The following ARL8B variants were observed in gnomAD, a reference collection of about 807,000 sequenced individuals.
The protein encoded by ARL8B is ADP-ribosylation factor-like protein 8B.
Under a neutral mutation model 30.6 loss-of-function variants are expected in ARL8B, and 9 were observed. The observed-to-expected ratio is 0.29, with a 90% confidence interval of 0.18 to 0.51. The LOEUF (loss-of-function observed/expected upper bound fraction) is 0.51, where lower values mean the gene tolerates loss of function less well. Among genes scored for constraint, ARL8B ranks in the 20% least tolerant of loss-of-function variants. The probability of loss-of-function intolerance (pLI) is 0.97; values close to 1 mark genes in which losing one functional copy is unlikely to be tolerated. For missense variants in ARL8B, 130 were observed against 227.2 expected (o/e 0.57, Z 2.75); for synonymous variants, 74 against 76.0 (o/e 0.97, Z 0.14).
intron 6 of ARL8B, among the ~76,000 whole-genome samples, chr3:5,178,381 G>GC (rs1269720702): frequency 6.9e-6 from 1 of 144,268 alleles, no homozygotes; most frequent in African/African-American, 2.6e-5. Context: ...TGCCTTCCTG[G>GC]CAATTTGCAT....
At chr3:5,149,050 G>A in intron 1 of ARL8B, among the ~76,000 whole-genome samples, 1 of 152,224 alleles carries the variant, frequency 6.6e-6, no homozygotes, top group East Asian at 1.9e-4. Flanking sequence ...CTGGCTGTTT[G>A]CGTCGCAGGA....
chr3:5,159,457 C>G (rs911854537), intron 1 of ARL8B, among the ~76,000 whole-genome samples: 3 of 151,566 alleles, frequency 2.0e-5, no homozygotes, highest in Non-Finnish European at 4.4e-5. Flanking sequence ...ACAAAATTAG[C>G]TGGGTGTGGT....
chr3:5,166,642 T>G (rs1317126383), intron 1 of ARL8B, among the ~76,000 whole-genome samples: 1 of 152,190 alleles, frequency 6.6e-6, no homozygotes, highest in Non-Finnish European at 1.5e-5. Flanking sequence ...CCAGCTGTCT[T>G]AAGATATCTT....
chr3:5,178,710 C>G lies in ARL8B; in HGVS notation c.558C>G (p.Ser186Arg), dbSNP rs1243152032. The change falls in exon 7 of 7, where the codon AGC becomes AGG. Residue 186 changes from serine (S) to arginine (R), a missense_variant. Transcript: ENST00000256496. ...TTCAGCATTCAAAATCTAGAAGAAG[C>G]TGAAGCATCTCCTGAAGTCTTCCAG... is the stretch of plus-strand genomic sequence containing the variant. ...WLIQHSKSRR[S>R] is the part of the protein sequence containing the mutation. 5.0e-6 allele frequency: 8 copies of G among 1,611,836 alleles called. No homozygotes were observed. The highest frequency in any genetic ancestry group is 6.8e-6 in the Non-Finnish European group (8 of 1,178,918).
chr3:5,157,208 G>A (rs2054541393), intron 1 of ARL8B, among the ~76,000 whole-genome samples: 1 of 147,994 alleles, frequency 6.8e-6, no homozygotes, highest in Non-Finnish European at 1.5e-5. Flanking sequence ...CAGGCACTTG[G>A]GTGGTGGTCT....
At chr3:5,171,316 A>G (rs926271771) in intron 2 of ARL8B, among the ~76,000 whole-genome samples, 3 of 152,178 alleles carry the variant, frequency 2.0e-5, no homozygotes, top group South Asian at 2.1e-4. Context: ...TAAAATGATT[A>G]TGGATGTGGC....
intron 2 of ARL8B, 43 bp downstream of exon 2, chr3:5,170,626 G>T: frequency 6.9e-7 from 1 of 1,444,444 alleles, no homozygotes; most frequent in South Asian, 1.2e-5. Flanking sequence ...TGTTAGCACA[G>T]ACCCCTAGAA....
rs141280815 is a variant in ARL8B, at chr3:5,144,619, C to T, written c.123+22031C>T. On this transcript the variant is annotated intron_variant, in intron 1 of 6. Coordinates refer to ENST00000256496, the MANE Select transcript of ARL8B (RefSeq NM_018184.3). ...GTGACCCCTATCCTAATTCTTCCTT[C>T]TCCTTTCTGGTAAACTGGGGCCTTA... 1.2e-3 allele frequency among the ~76,000 whole-genome samples: 190 copies of T among 152,336 alleles called. 1 individual carries two copies. In the Middle Eastern group the frequency reaches 0.017, roughly 14 times the overall value.
At chr3:5,149,026 C>T (rs888952173) in intron 1 of ARL8B, among the ~76,000 whole-genome samples, 11 of 152,334 alleles carry the variant, frequency 7.2e-5, no homozygotes, top group South Asian at 4.1e-4. Context: ...CCCTGAGCAT[C>T]GGTTTGTCCG....
intron 2 of ARL8B, 73 bp downstream of exon 2, chr3:5,170,656 G>A (rs532491404): frequency 3.4e-6 from 4 of 1,160,220 alleles, no homozygotes; most frequent in South Asian, 2.9e-5. Flanking sequence ...TTAAATTTCT[G>A]TGTTTTTACT....
intron 2 of ARL8B, among the ~76,000 whole-genome samples, chr3:5,171,391 C>A (rs1171306750): frequency 1.3e-5 from 2 of 152,060 alleles, no homozygotes; most frequent in South Asian, 4.2e-4. Context: ...ACTCTTGTTG[C>A]CCAGGCTTGG....
At chr3:5,173,311 A>G (rs2054693309) in intron 4 of ARL8B, among the ~76,000 whole-genome samples, 1 of 152,222 alleles carries the variant, frequency 6.6e-6, no homozygotes, top group East Asian at 1.9e-4. Flanking sequence ...TCTAGAATAC[A>G]TTTAGGAATT....
chr3:5,134,962 C>T (rs2054312358), intron 1 of ARL8B, among the ~76,000 whole-genome samples: 1 of 152,104 alleles, frequency 6.6e-6, no homozygotes. Flanking sequence ...ATTCTTGTGC[C>T]TTCACCTCCC....
intron 1 of ARL8B, among the ~76,000 whole-genome samples, chr3:5,123,964 C>T (rs891954007): frequency 1.3e-5 from 2 of 152,148 alleles, no homozygotes; most frequent in African/African-American, 4.8e-5. Context: ...ACCTCCACCT[C>T]CCAGGTTCAA....
chr3:5,166,493 A>G (rs946274528), intron 1 of ARL8B, among the ~76,000 whole-genome samples: 2 of 151,146 alleles, frequency 1.3e-5, no homozygotes, highest in African/African-American at 4.9e-5. Flanking sequence ...AAGCCCCACC[A>G]TGCCTGGCTA....
chr3:5,144,261 C>G (rs2054400570), intron 1 of ARL8B, among the ~76,000 whole-genome samples: 1 of 152,214 alleles, frequency 6.6e-6, no homozygotes, highest in African/African-American at 2.4e-5. Flanking sequence ...AAGGTGATCT[C>G]TGATCACCAG....
intron 1 of ARL8B, among the ~76,000 whole-genome samples, chr3:5,131,068 A>G (rs2054278908): frequency 6.6e-6 from 1 of 151,930 alleles, no homozygotes; most frequent in Non-Finnish European, 1.5e-5. Context: ...ACCCGCCACC[A>G]CGCCCAGCTA....
At chr3:5,169,244 A>T (rs2106569914) in intron 1 of ARL8B, among the ~76,000 whole-genome samples, 1 of 152,138 alleles carries the variant, frequency 6.6e-6, no homozygotes, top group African/African-American at 2.4e-5. Context: ...TAAGCAAATT[A>T]ATATCTTCTG....
At chr3:5,172,020 C>T in intron 2 of ARL8B, 130 bp from the exon 3 acceptor site, 2 of 796,176 alleles carry the variant, frequency 2.5e-6, no homozygotes, top group Non-Finnish European at 4.0e-6. Flanking sequence ...TCAAGTCTTT[C>T]AGGAGCACTT....
Sources: gnomAD v4.1 joint callset for allele counts (sites outside exome capture counted in the v4.1 genomes callset) on GRCh38, gnomAD v4.1.1 for gene constraint, MANE v1.5 for transcripts, NCBI Gene and HGNC (gene_info 2026-07-23, HGNC 2026-07-21) for gene names.